The following MINDY1 variants were observed in gnomAD, a reference collection of about 807,000 sequenced individuals.
MINDY1 encodes the protein ubiquitin carboxyl-terminal hydrolase MINDY-1.
MINDY1 carries 50 observed loss-of-function variants against 53.6 expected under a neutral mutation model. That is an observed-to-expected ratio of 0.93 (90% CI 0.74 to 1.18). The LOEUF is 1.18. Among genes scored for constraint, MINDY1 ranks in the 50% most tolerant of loss-of-function variants. MINDY1 has a pLI of 0.00. For missense variants in MINDY1, 484 were observed against 578.6 expected (o/e 0.84, Z 1.68); for synonymous variants, 231 against 234.7 (o/e 0.98, Z 0.14).
Position 151,002,204 on chromosome 1 carries a change from A to G in MINDY1, c.414T>C (p.Pro138=). Residue 138 remains proline, a synonymous_variant, in exon 2 of 10, where the codon CCT becomes CCC. Transcript: ENST00000683666. This position sits in a 1 kb window ranked among gnomAD's most constrained non-coding sequence, Gnocchi z 4.1. ...IITQSTNGPC[P]LLAIMNILFL... is the part of the protein sequence containing the mutation. Reference sequence around the variant, plus strand: ...AGAGGATGTTCATGATGGCAAGGAGAGGGCAAGGGCCGTTAGTGCTCTGGG... The same window carrying G: ...AGAGGATGTTCATGATGGCAAGGAGGGGGCAAGGGCCGTTAGTGCTCTGGG... 6.2e-7 allele frequency: 1 copy of G among 1,612,782 alleles called. No individual in the cohort carries two copies. Among genetic ancestry groups the G allele is most frequent in the Non-Finnish European group, 8.5e-7 (1 of 1,179,314 alleles).
At chr1:150,998,583 C>T (rs1672145000) in intron 7 of MINDY1, among the ~76,000 whole-genome samples, 1 of 152,198 alleles carries the variant, frequency 6.6e-6, no homozygotes, top group South Asian at 2.1e-4. Context: ...GCCTCGATCT[C>T]CTGACCTCAT....
Position 150,997,011 on chromosome 1 carries a change from C to CCT in MINDY1, c.*274_*275dup, listed in dbSNP as rs1042620542. 3 of 488,284 alleles carry CCT rather than the reference C, an allele frequency of 6.1e-6. No individual in the cohort carries two copies. Among genetic ancestry groups the CCT allele is most frequent in the Non-Finnish European group, 1.1e-5 (3 of 271,072 alleles). The allele number at this position is 488,284 out of a possible 1,614,324, so 30.2% of individuals were successfully genotyped here. ...TCTGGATAGGGACCTCACCCCAGAG[C>CCT]CTCAGTCTGTACATACGTGTGACTA... On this transcript the variant is annotated 3_prime_UTR_variant, in exon 10 of 10. Transcript: ENST00000683666.
In MINDY1 at chr1:151,005,997, C is replaced by G. The variant is rs190164633; in HGVS notation, c.-90+315G>C. Reference sequence around the variant, plus strand: ...GAACAGTTCCCTTACTGTCTCACACCAATCTCCTTCTTAGTCTGACCTATG... The same window carrying G: ...GAACAGTTCCCTTACTGTCTCACACGAATCTCCTTCTTAGTCTGACCTATG... On this transcript the variant is annotated intron_variant, in intron 1 of 9. Coordinates refer to ENST00000683666, the MANE Select transcript of MINDY1 (RefSeq NM_001376665.1). 1.6e-5 allele frequency: 23 copies of G among 1,423,958 alleles called. No individual in the cohort carries two copies. In the Admixed American group the frequency reaches 2.2e-4, roughly 13 times the overall value. The allele number at this position is 1,423,958 out of a possible 1,614,324, so 88.2% of individuals were successfully genotyped here. A position where few individuals can be genotyped will look rare whatever the true frequency, so the allele number is the denominator to read the frequency against.
At chr1:150,998,042 C>A in intron 8 of MINDY1, 40 bp downstream of exon 8, 1 of 1,561,672 alleles carries the variant, frequency 6.4e-7, no homozygotes, top group Non-Finnish European at 8.6e-7. Context: ...CTCTCTGAGG[C>A]ACATGTGCTC....
In MINDY1 at chr1:150,999,227, G is replaced by T; in HGVS notation, c.981+142C>A. On this transcript the variant is annotated intron_variant, in intron 7 of 9. Coordinates refer to ENST00000683666, the MANE Select transcript of MINDY1 (RefSeq NM_001376665.1). The surrounding 1 kb of genome is among the most constrained non-coding windows in gnomAD (Gnocchi z 4.4). ...TGGACACGCACCAGGAGCGGGAAAT[G>T]AACCTTTGTTGTGGTAAACCACAGG... 8.2e-7 allele frequency: 1 copy of T among 1,219,684 alleles called. No homozygotes were observed. The highest frequency in any genetic ancestry group is 1.2e-6 in the Non-Finnish European group (1 of 858,510). The allele number at this position is 1,219,684 out of a possible 1,614,324, so 75.6% of individuals were successfully genotyped here.
chr1:151,002,773 A>G lies in MINDY1; in HGVS notation c.-89-67T>C. 1 of 1,493,260 alleles carries G rather than the reference A, an allele frequency of 6.7e-7. No homozygotes were observed. Among genetic ancestry groups the G allele is most frequent in the Non-Finnish European group, 8.9e-7 (1 of 1,119,574 alleles). The allele number at this position is 1,493,260 out of a possible 1,614,324, so 92.5% of individuals were successfully genotyped here. A position where few individuals can be genotyped will look rare whatever the true frequency, so the allele number is the denominator to read the frequency against. ...AACCCAGAAAAGTCTTGGAAAAGGAATGTAGTGTAGAAGGCTGGCTAGTGT... is the reference window on the plus strand; with the variant it reads ...AACCCAGAAAAGTCTTGGAAAAGGAGTGTAGTGTAGAAGGCTGGCTAGTGT... On this transcript the variant is annotated intron_variant, in intron 1 of 9. Coordinates refer to ENST00000683666, the MANE Select transcript of MINDY1 (RefSeq NM_001376665.1). The surrounding 1 kb of genome is among the most constrained non-coding windows in gnomAD (Gnocchi z 4.1).
At chr1:150,998,361 T>C in intron 7 of MINDY1, 88 bp from the exon 8 acceptor site, 2 of 1,203,476 alleles carry the variant, frequency 1.7e-6, no homozygotes, top group Admixed American at 2.3e-5. Flanking sequence ...CATGTGGACT[T>C]TTTTTTTCTT....
intron 9 of MINDY1, 40 bp downstream of exon 9, chr1:150,997,584 G>C: frequency 1.2e-6 from 2 of 1,603,142 alleles, no homozygotes; most frequent in Non-Finnish European, 1.7e-6. Context: ...CAAAGCATGA[G>C]GTGGAAACCG....
rs764289788 is a variant in MINDY1, at chr1:151,002,576, G to A, written c.42C>T (p.Ala14=). ...CAGGGATGACTGCTTCTGCAGTCCC[G>A]GCCTTACCAGGGGCTGGATCCTCAG... is the stretch of plus-strand genomic sequence containing the variant. ...HQPEDPAPGK[A]GTAEAVIPEN... Residue 14 remains alanine, a synonymous_variant, in exon 2 of 10, where the codon GCC becomes GCT. Coordinates refer to ENST00000683666, the MANE Select transcript of MINDY1 (RefSeq NM_001376665.1). This position sits in a 1 kb window ranked among gnomAD's most constrained non-coding sequence, Gnocchi z 4.1. 40 of 1,614,062 alleles carry A rather than the reference G, an allele frequency of 2.5e-5. No individual in the cohort carries two copies. Among genetic ancestry groups the A allele is most frequent in the East Asian group, 6.7e-5 (3 of 44,902 alleles).
chr1:151,006,078 C>T (rs1302653363), intron 1 of MINDY1: 1 of 1,551,298 alleles, frequency 6.4e-7, no homozygotes, highest in Non-Finnish European at 8.7e-7. Flanking sequence ...ACCATGGCCA[C>T]AGTGCCCTGT....
chr1:150,997,029 T>A lies in MINDY1; in HGVS notation c.*258A>T, dbSNP rs796774415. 5.4e-6 allele frequency: 3 copies of A among 557,040 alleles called. No homozygotes were observed. The Admixed American group carries it at 9.3e-5, about 17-fold the overall frequency. 34.5% of individuals were successfully genotyped at this position (557,040 alleles called of 1,614,324 possible). A position where few individuals can be genotyped will look rare whatever the true frequency, so the allele number is the denominator to read the frequency against. On this transcript the variant is annotated 3_prime_UTR_variant, in exon 10 of 10. Coordinates refer to ENST00000683666, the MANE Select transcript of MINDY1 (RefSeq NM_001376665.1). The stretch of plus-strand genomic sequence containing the variant: ...CCCAGAGCCTCAGTCTGTACATACG[T>A]GTGACTATTCAGGGACCGGGAGTTG...
chr1:150,997,279 G>T lies in MINDY1; in HGVS notation c.*8C>A. ...GAAGGGGCAGGCCAGCCTGGCACTG[G>T]GGCAGAGCTACAGCAGAATGCAGTC... On this transcript the variant is annotated 3_prime_UTR_variant, in exon 10 of 10. Transcript: ENST00000683666. 1 of 1,581,106 alleles carries T rather than the reference G, an allele frequency of 6.3e-7. No homozygotes were observed.
Position 151,001,251 on chromosome 1 carries a change from T to C in MINDY1, c.575A>G (p.Gln192Arg), listed in dbSNP as rs992432654. The change falls in exon 4 of 10, where the codon CAG (glutamine) becomes CGG (arginine). Residue 192 changes from glutamine (Q) to arginine (R), a missense_variant and splice_region_variant. Transcript: ENST00000683666. ...ATGCCTGCAGACCTTTTGCCTCACCTGCTGAAAATTAAGCTGAAGTCCCTC... is the reference window on the plus strand; with the variant it reads ...ATGCCTGCAGACCTTTTGCCTCACCCGCTGAAAATTAAGCTGAAGTCCCTC... ...KSEGLQLNFQQNVDDAMTVLP... is the reference protein window; with the variant it reads ...KSEGLQLNFQRNVDDAMTVLP... 1.9e-6 allele frequency: 3 copies of C among 1,614,122 alleles called. No homozygotes were observed. In the African/African-American group the frequency reaches 4.0e-5, roughly 22 times the overall value.
Position 150,999,602 on chromosome 1 carries a change from C to CG in MINDY1, c.839-92dup. ...TCCAGAGAGCCCCTGTCAAAAGCCC[C>CG]GGGGGGTCAGTCCCACCTTCTGACG... On this transcript the variant is annotated intron_variant, in intron 6 of 9. Transcript: ENST00000683666. This position sits in a 1 kb window ranked among gnomAD's most constrained non-coding sequence, Gnocchi z 4.4. 1.9e-6 allele frequency: 3 copies of CG among 1,541,354 alleles called. No homozygotes were observed. The highest frequency in any genetic ancestry group is 2.3e-5 in the South Asian group (2 of 85,344).
chr1:151,006,978 T>G (rs1673301250), upstream of MINDY1: 7 of 823,854 alleles, frequency 8.5e-6, no homozygotes, highest in African/African-American at 1.3e-4. Flanking sequence ...TTGTTGGATC[T>G]GGGCTCTCTC....
chr1:150,999,568 G>T lies in MINDY1; in HGVS notation c.839-57C>A. 6.2e-7 allele frequency: 1 copy of T among 1,602,970 alleles called. No homozygotes were observed. ...GGCTTAAATTCAAGGTCCACAACAG[G>T]AAGGACCATCCAGAGAGCCCCTGTC... On this transcript the variant is annotated intron_variant, in intron 6 of 9. Coordinates refer to ENST00000683666, the MANE Select transcript of MINDY1 (RefSeq NM_001376665.1). This position sits in a 1 kb window ranked among gnomAD's most constrained non-coding sequence, Gnocchi z 4.4.
chr1:150,998,054 C>T (rs1672048661), intron 8 of MINDY1, 28 bp downstream of exon 8: 1 of 1,587,462 alleles, frequency 6.3e-7, no homozygotes, highest in Non-Finnish European at 8.5e-7. Flanking sequence ...CATGTGCTCT[C>T]TGCACTTTTC....
In MINDY1 at chr1:151,002,317, G is replaced by GAAGCTCCTGGGGCATGGAGC; in HGVS notation, c.281_300dup (p.Pro101AlafsTer50). ...GGCTGTCGGGTCCTGGGGGACTGAG[G>GAAGCTCCTGGGGCATGGAGC]AAGCTCCTGGGGCATGGAGCATGCC... On this transcript the variant is annotated frameshift_variant, in exon 2 of 10. Transcript: ENST00000683666. LOFTEE classifies it high-confidence loss of function. This position sits in a 1 kb window ranked among gnomAD's most constrained non-coding sequence, Gnocchi z 4.1. 1 of 1,614,192 alleles carries GAAGCTCCTGGGGCATGGAGC rather than the reference G, an allele frequency of 6.2e-7. No individual in the cohort carries two copies. Among genetic ancestry groups the GAAGCTCCTGGGGCATGGAGC allele is most frequent in the African/African-American group, 1.3e-5 (1 of 75,040 alleles).
intron 8 of MINDY1, 102 bp downstream of exon 8, chr1:150,997,980 A>G (rs1166435285): frequency 7.6e-7 from 1 of 1,314,690 alleles, no homozygotes; most frequent in Non-Finnish European, 1.0e-6. Context: ...ACCCAGAGAG[A>G]GAGGCATGGG....
Sources: allele counts gnomAD v4.1 joint callset (sites outside exome capture counted in the v4.1 genomes callset), GRCh38; gene constraint gnomAD v4.1.1; non-coding constraint Gnocchi (gnomAD v3.1); transcripts MANE v1.5; gene names NCBI Gene and HGNC (gene_info 2026-07-23, HGNC 2026-07-21).